PTPRD: variants seen among roughly 807,000 people sequenced by gnomAD.
PTPRD encodes the protein receptor-type tyrosine-protein phosphatase delta.
A neutral mutation model predicts 214.5 loss-of-function variants in PTPRD; 34 were observed. The ratio of observed to expected loss-of-function variants is 0.16; its 90% CI spans 0.12 to 0.21. The LOEUF (loss-of-function observed/expected upper bound fraction) is 0.21, where lower values mean the gene tolerates loss of function less well. PTPRD is among the 10% of genes least tolerant of loss of function. PTPRD has a pLI of 1.00. For missense variants in PTPRD, 2,545 were observed against 2,398.7 expected, an observed-to-expected ratio of 1.06 and a Z score of -1.27; for synonymous variants, 1,128 against 845.7, an observed-to-expected ratio of 1.33 and a Z score of -5.79.
chr9:8,877,240 A>ATCAT (rs1359385466), intron 11 of PTPRD, among the ~76,000 whole-genome samples: 1 of 152,182 alleles, frequency 6.6e-6, no homozygotes, highest in Non-Finnish European at 1.5e-5. Flanking sequence ...TACGTTTTAA[A>ATCAT]TCATTTGTAT....
intron 3 of PTPRD, among the ~76,000 whole-genome samples, chr9:10,065,171 G>GAAAGAAAGAAAC (rs1555537942): frequency 6.6e-6 from 1 of 151,080 alleles, no homozygotes; most frequent in Non-Finnish European, 1.5e-5. Context: ...AAGAAAGAAA[G>GAAAGAAAGAAAC]AAAGAAAGAA....
rs376078929 is a variant in PTPRD, at chr9:9,034,232, C to T, written c.-142-15497G>A. ...AGTAGAATATAGGTGAATCCTGGAACCTCTAGAGCTCTGTTAGGAATCCAT... is the reference window on the plus strand; with the variant it reads ...AGTAGAATATAGGTGAATCCTGGAATCTCTAGAGCTCTGTTAGGAATCCAT... On this transcript the variant is annotated intron_variant, in intron 10 of 45. Coordinates refer to ENST00000381196, the MANE Select transcript of PTPRD (RefSeq NM_002839.4). 3.9e-4 allele frequency among the ~76,000 whole-genome samples: 60 copies of T among 152,206 alleles called. 2 individuals carry two copies. The East Asian group carries it at 4.8e-3, about 12-fold the overall frequency.
intron 10 of PTPRD, among the ~76,000 whole-genome samples, chr9:9,064,836 T>C (rs1262008805): frequency 1.3e-5 from 2 of 152,174 alleles, no homozygotes; most frequent in Admixed American, 6.6e-5. Context: ...TGGAAGAAAT[T>C]AATACTGAAA....
At chr9:10,017,195 G>A (rs543479149) in intron 4 of PTPRD, among the ~76,000 whole-genome samples, 3 of 152,156 alleles carry the variant, frequency 2.0e-5, no homozygotes, top group African/African-American at 7.2e-5. Context: ...ATTAATTATT[G>A]TGTTTAATTT....
At chr9:10,375,878 C>T (rs559732716) in intron 2 of PTPRD, among the ~76,000 whole-genome samples, 7 of 152,086 alleles carry the variant, frequency 4.6e-5, no homozygotes, top group South Asian at 2.1e-4. Flanking sequence ...ATTAGCTTAT[C>T]GTGCCCTATT....
At chr9:9,848,905 A>G (rs1051344328) in intron 5 of PTPRD, among the ~76,000 whole-genome samples, 2 of 152,070 alleles carry the variant, frequency 1.3e-5, no homozygotes, top group Admixed American at 6.6e-5. Context: ...AAATCAATTA[A>G]TAAAAAATGA....
intron 7 of PTPRD, among the ~76,000 whole-genome samples, chr9:9,609,855 A>T (rs1361425226): frequency 6.6e-6 from 1 of 152,214 alleles, no homozygotes; most frequent in African/African-American, 2.4e-5. Flanking sequence ...AGCGTGTAAA[A>T]AACACTGTGA....
At chr9:9,111,651 G>T (rs2099806211) in intron 10 of PTPRD, among the ~76,000 whole-genome samples, 1 of 152,142 alleles carries the variant, frequency 6.6e-6, no homozygotes, top group Non-Finnish European at 1.5e-5. Flanking sequence ...TTGCCCAAGG[G>T]TCTGTGGCCT....
chr9:9,989,217 G>T (rs986775549), intron 4 of PTPRD, among the ~76,000 whole-genome samples: 1 of 152,020 alleles, frequency 6.6e-6, no homozygotes, highest in Non-Finnish European at 1.5e-5. Flanking sequence ...GGGTAGAAGT[G>T]GATGTGGGTC....
chr9:10,516,556 T>C (rs2050180346), intron 2 of PTPRD, among the ~76,000 whole-genome samples: 1 of 152,142 alleles, frequency 6.6e-6, no homozygotes. Flanking sequence ...CTCTTTGCTG[T>C]GTAAAAGGTT....
At chr9:8,745,600 T>C (rs146212205) in intron 11 of PTPRD, among the ~76,000 whole-genome samples, 2,395 of 152,288 alleles carry the variant, frequency 0.016, 21 homozygotes, top group Middle Eastern at 0.058. Context: ...GTACCTGTTA[T>C]TATGTACCTG....
At chr9:9,388,078 G>C (rs988826911) in intron 9 of PTPRD, among the ~76,000 whole-genome samples, 13 of 152,116 alleles carry the variant, frequency 8.5e-5, no homozygotes, top group African/African-American at 2.4e-4. Context: ...ATTAGTGCAA[G>C]GTTTTATTGA....
At chr9:10,392,883 C>T (rs1436213069) in intron 2 of PTPRD, among the ~76,000 whole-genome samples, 2 of 151,768 alleles carry the variant, frequency 1.3e-5, no homozygotes, top group Non-Finnish European at 2.9e-5. Context: ...ATTTCTGAGG[C>T]CTTCAGTGGG....
intron 3 of PTPRD, among the ~76,000 whole-genome samples, chr9:10,199,201 C>A (rs1435130800): frequency 6.6e-6 from 1 of 151,908 alleles, no homozygotes; most frequent in South Asian, 2.1e-4. Context: ...TATATTTCCT[C>A]GTATATTTGT....
At chr9:8,386,850 T>C (rs11792724) in intron 37 of PTPRD, among the ~76,000 whole-genome samples, 1 of 151,996 alleles carries the variant, frequency 6.6e-6, no homozygotes, top group African/African-American at 2.4e-5. Context: ...GAGATGGGAA[T>C]GATGGGAGGG....
chr9:9,360,797 A>G (rs2055819762), intron 9 of PTPRD, among the ~76,000 whole-genome samples: 2 of 151,128 alleles, frequency 1.3e-5, no homozygotes, highest in Admixed American at 1.3e-4. Context: ...ATTCATTGAA[A>G]AAGATTTCCA....
At chr9:10,039,092 TTTG>T (rs1168800825) in intron 3 of PTPRD, among the ~76,000 whole-genome samples, 3 of 152,062 alleles carry the variant, frequency 2.0e-5, no homozygotes, top group Non-Finnish European at 2.9e-5. Flanking sequence ...TGTACGTAGG[TTTG>T]TTGTTCACAA....
At chr9:8,803,636 A>T (rs557952769) in intron 11 of PTPRD, among the ~76,000 whole-genome samples, 107 of 152,128 alleles carry the variant, frequency 7.0e-4, no homozygotes, top group African/African-American at 2.5e-3. Context: ...AAGTGGGAGG[A>T]CTGCTTGAGT....
intron 37 of PTPRD, among the ~76,000 whole-genome samples, chr9:8,384,986 G>A (rs1480568406): frequency 6.6e-6 from 1 of 152,166 alleles, no homozygotes; most frequent in East Asian, 1.9e-4. Context: ...GGAAGTAATA[G>A]CATTTGAAAA....
Sources: gnomAD v4.1 joint callset for allele counts (sites outside exome capture counted in the v4.1 genomes callset) on GRCh38, gnomAD v4.1.1 for gene constraint, MANE v1.5 for transcripts, NCBI Gene and HGNC (gene_info 2026-07-23, HGNC 2026-07-21) for gene names.